Variants in GPR63 observed in about 807,000 individuals in gnomAD.
GPR63 encodes G protein-coupled receptor 63, also known as probable G protein-coupled receptor 63.
Under a neutral mutation model 23.1 loss-of-function variants are expected in GPR63, and 12 were observed. The ratio of observed to expected loss-of-function variants is 0.52; its 90% CI spans 0.33 to 0.84. The LOEUF (loss-of-function observed/expected upper bound fraction) is 0.84. Ranked by LOEUF, GPR63 falls within the 40% of genes least tolerant of loss-of-function variation. GPR63 has a pLI of 0.02. For synonymous variants in GPR63, 172 were observed against 191.1 expected (o/e 0.90, Z 0.82); for missense variants, 472 against 515.6 (o/e 0.92, Z 0.82).
In GPR63 at chr6:96,795,426, G is replaced by A. The variant is rs1370630185; in HGVS notation, c.*3046C>T. 6.6e-6 allele frequency: 1 copy of A among 152,120 alleles called. No individual in the cohort carries two copies. The highest frequency in any genetic ancestry group is 1.5e-5 in the Non-Finnish European group (1 of 68,034). 9.4% of individuals were successfully genotyped at this position (152,120 alleles called of 1,614,324 possible). A position where few individuals can be genotyped will look rare whatever the true frequency, so the allele number is the denominator to read the frequency against. Reference sequence around the variant, plus strand: ...TGATTTTGCACCTACGTTTCTCAAAGGTGCTCCATAGTACTTATTTTTAAA... The same window carrying A: ...TGATTTTGCACCTACGTTTCTCAAAAGTGCTCCATAGTACTTATTTTTAAA... On this transcript the variant is annotated 3_prime_UTR_variant, in exon 2 of 2. Coordinates refer to ENST00000229955, the MANE Select transcript of GPR63 (RefSeq NM_030784.4).
intron 1 of GPR63, among the ~76,000 whole-genome samples, chr6:96,806,207 A>C (rs745713784): frequency 2.6e-5 from 4 of 152,172 alleles, no homozygotes; most frequent in Non-Finnish European, 4.4e-5. Flanking sequence ...TGTGCGACAG[A>C]GTGAAGAAAG....
intron 1 of GPR63, among the ~76,000 whole-genome samples, chr6:96,819,151 C>A (rs1774234410): frequency 6.6e-6 from 1 of 152,124 alleles, no homozygotes; most frequent in Non-Finnish European, 1.5e-5. Context: ...CCATTTGACC[C>A]AGCAATCCCA....
At chr6:96,814,002 TA>T (rs756089310) in intron 1 of GPR63, among the ~76,000 whole-genome samples, 4 of 152,060 alleles carry the variant, frequency 2.6e-5, no homozygotes, top group Non-Finnish European at 4.4e-5. Flanking sequence ...AAAATTACTA[TA>T]AAAATGCAAC....
intron 1 of GPR63, among the ~76,000 whole-genome samples, chr6:96,825,740 T>C (rs757961512): frequency 2.6e-5 from 4 of 151,946 alleles, no homozygotes; most frequent in Non-Finnish European, 5.9e-5. Context: ...TTTTAGTCCA[T>C]AATCACCTGA....
intron 1 of GPR63, among the ~76,000 whole-genome samples, chr6:96,802,785 A>G (rs1182090499): frequency 6.6e-6 from 1 of 151,978 alleles, no homozygotes; most frequent in Non-Finnish European, 1.5e-5. Flanking sequence ...TTTAAGGCAA[A>G]AAAAGCAAAT....
intron 1 of GPR63, among the ~76,000 whole-genome samples, chr6:96,827,285 G>A (rs112695981): frequency 7.4e-4 from 112 of 152,186 alleles, no homozygotes; most frequent in African/African-American, 2.4e-3. Flanking sequence ...ACAAAGTGGC[G>A]TATTAGACAT....
chr6:96,809,446 C>T (rs1453661928), intron 1 of GPR63, among the ~76,000 whole-genome samples: 1 of 151,882 alleles, frequency 6.6e-6, no homozygotes, highest in Non-Finnish European at 1.5e-5. Flanking sequence ...ACTGGGCTGC[C>T]TAGATAGATA....
chr6:96,832,542 G>T (rs1448206388), intron 1 of GPR63, among the ~76,000 whole-genome samples: 1 of 151,714 alleles, frequency 6.6e-6, no homozygotes, highest in African/African-American at 2.4e-5. Flanking sequence ...CAAAGTTCTG[G>T]GATTACAGGC....
chr6:96,833,821 G>GTTT (rs150167498), intron 1 of GPR63, among the ~76,000 whole-genome samples: 18 of 116,026 alleles, frequency 1.6e-4, no homozygotes, highest in Middle Eastern at 4.3e-3. Context: ...CTGGCTGGGG[G>GTTT]TTTTTCTAAA....
rs1182049827 is a variant in GPR63, at chr6:96,795,525, G to C, written c.*2947C>G. On this transcript the variant is annotated 3_prime_UTR_variant, in exon 2 of 2. Transcript: ENST00000229955. ...TCTCATCAGATCAAGATAATCCAGT[G>C]TAAAAAGAACTGCTGTTCAGTGTTG... is the stretch of plus-strand genomic sequence containing the variant. The C allele has an allele frequency of 6.6e-6, 1 of 152,192 alleles. No individual in the cohort carries two copies. The highest frequency in any genetic ancestry group is 2.4e-5 in the African/African-American group (1 of 41,440). 9.4% of individuals were successfully genotyped at this position (152,192 alleles called of 1,614,324 possible). A position where few individuals can be genotyped will look rare whatever the true frequency, so the allele number is the denominator to read the frequency against.
intron 1 of GPR63, among the ~76,000 whole-genome samples, chr6:96,832,957 T>A (rs1041836382): frequency 6.6e-6 from 1 of 152,156 alleles, no homozygotes; most frequent in Non-Finnish European, 1.5e-5. Context: ...GAAACTCCTA[T>A]CATTCAAGAA....
chr6:96,820,516 T>TA (rs1241546882), intron 1 of GPR63, among the ~76,000 whole-genome samples: 1 of 152,146 alleles, frequency 6.6e-6, no homozygotes, highest in South Asian at 2.1e-4. Flanking sequence ...CCTAGTAATC[T>TA]AAAAAAACAG....
In GPR63 at chr6:96,794,365, A is replaced by T. The variant is rs541848578; in HGVS notation, c.*4107T>A. The T allele has an allele frequency of 3.9e-5, 6 of 152,130 alleles. No homozygotes were observed. The highest frequency in any genetic ancestry group is 1.4e-4 in the African/African-American group (6 of 41,448). 9.4% of individuals were successfully genotyped at this position (152,130 alleles called of 1,614,324 possible). A position where few individuals can be genotyped will look rare whatever the true frequency, so the allele number is the denominator to read the frequency against. ...CCTCCAATAACAAACTTGTGCTTTGATATTTTTTATCATAAAAACTGAGTT... is the reference window on the plus strand; with the variant it reads ...CCTCCAATAACAAACTTGTGCTTTGTTATTTTTTATCATAAAAACTGAGTT... On this transcript the variant is annotated 3_prime_UTR_variant, in exon 2 of 2. Transcript: ENST00000229955.
chr6:96,813,121 T>C (rs1774083348), intron 1 of GPR63, among the ~76,000 whole-genome samples: 1 of 152,140 alleles, frequency 6.6e-6, no homozygotes, highest in Admixed American at 6.5e-5. Context: ...TCCTAGCCTA[T>C]TTAATTTACC....
At position 96,798,736 on chromosome 6, in the gene GPR63, A is replaced by G. The variant is rs1158531788; in HGVS notation, c.996T>C (p.Thr332=). Residue 332 remains threonine (T), a synonymous_variant, in exon 2 of 2, where the codon ACT becomes ACC. Coordinates refer to ENST00000229955, the MANE Select transcript of GPR63 (RefSeq NM_030784.4). ...TACTGAATGTTGCCACAAGGCTGTA[A>G]GTGGTGAATGGGGCCCAGCAGACAA... The part of the protein sequence containing the change: ...VFIVCWAPFT[T]YSLVATFSKH... The G allele has an allele frequency of 6.2e-7, 1 of 1,614,214 alleles. No homozygotes were observed. The highest frequency in any genetic ancestry group is 8.5e-7 in the Non-Finnish European group (1 of 1,180,034).
chr6:96,804,345 T>C (rs768814317), intron 1 of GPR63, among the ~76,000 whole-genome samples: 2 of 152,312 alleles, frequency 1.3e-5, no homozygotes, highest in Admixed American at 6.5e-5. Context: ...CAAGTGATCT[T>C]TGGAGTGCTT....
intron 1 of GPR63, among the ~76,000 whole-genome samples, chr6:96,807,245 C>T (rs1773918579): frequency 6.6e-6 from 1 of 152,216 alleles, no homozygotes; most frequent in Non-Finnish European, 1.5e-5. Flanking sequence ...CTAAAGGATT[C>T]ATGAACAACA....
At chr6:96,803,968 G>A (rs1773835316) in intron 1 of GPR63, among the ~76,000 whole-genome samples, 2 of 152,076 alleles carry the variant, frequency 1.3e-5, no homozygotes, top group Admixed American at 1.3e-4. Flanking sequence ...CATGATATAT[G>A]CATACATAAT....
At position 96,795,984 on chromosome 6, in the gene GPR63, T is replaced by C. The variant is rs1773570623; in HGVS notation, c.*2488A>G. 6.6e-6 allele frequency: 1 copy of C among 152,176 alleles called. No individual in the cohort carries two copies. Among genetic ancestry groups the C allele is most frequent in the African/African-American group, 2.4e-5 (1 of 41,438 alleles). The allele number at this position is 152,176 out of a possible 1,614,324, so 9.4% of individuals were successfully genotyped here. On this transcript the variant is annotated 3_prime_UTR_variant, in exon 2 of 2. Coordinates refer to ENST00000229955, the MANE Select transcript of GPR63 (RefSeq NM_030784.4). The stretch of plus-strand genomic sequence containing the variant: ...AATGAAAGAGGTAGGTGACTATCAT[T>C]TGAAGATAATCCCAAAACAACATGT...
Sources: gnomAD v4.1 joint callset for allele counts (sites outside exome capture counted in the v4.1 genomes callset) on GRCh38, gnomAD v4.1.1 for gene constraint, MANE v1.5 for transcripts, NCBI Gene and HGNC (gene_info 2026-07-23, HGNC 2026-07-21) for gene names.